Variants in MUC17 observed in about 807,000 individuals in gnomAD.
MUC17 encodes the protein mucin-17.
A neutral mutation model predicts 170.3 loss-of-function variants in MUC17; 190 were observed. That is an observed-to-expected ratio of 1.12 (90% CI 0.99 to 1.26). The LOEUF (loss-of-function observed/expected upper bound fraction) is 1.26, where lower values mean the gene tolerates loss of function less well. Ranked by LOEUF, MUC17 falls within the 50% of genes most tolerant of loss-of-function variation. MUC17 has a pLI of 0.00. For synonymous variants in MUC17, 2,325 were observed against 2,002.5 expected (o/e 1.16, Z -4.30); for missense variants, 6,415 against 5,530.0 (o/e 1.16, Z -5.08).
In MUC17 at chr7:101,032,259, T is replaced by C. The variant is rs770479658; in HGVS notation, c.843T>C (p.Pro281=). Residue 281 remains proline, a synonymous_variant, in exon 3 of 13, where the codon CCT becomes CCC. Coordinates refer to ENST00000306151, the MANE Select transcript of MUC17 (RefSeq NM_001040105.2). ...GAAGCACTCCATTAACAAGAATGCC[T>C]CTCAGCGTGATGCTGGTGGTCAGTT... ...SGGSTPLTRM[P]LSVMLVVSSE... is the part of the protein sequence containing the mutation. 2 of 1,613,952 alleles carry C rather than the reference T, an allele frequency of 1.2e-6. No homozygotes were observed. The highest frequency in any genetic ancestry group is 1.7e-6 in the Non-Finnish European group (2 of 1,179,892).
In MUC17 at chr7:101,020,090, AGCTCCTCT is replaced by A. The variant is rs1424619135; in HGVS notation, c.-44_-37del. On this transcript the variant is annotated 5_prime_UTR_variant, in exon 1 of 13. Coordinates refer to ENST00000306151, the MANE Select transcript of MUC17 (RefSeq NM_001040105.2). ...TTCCTTCTCTGAGGCTCATTTCGCC[AGCTCCTCT>A]GGGGGTGACAGGCAAGTGAGACGTG... The A allele has an allele frequency of 1.3e-6, 2 of 1,524,394 alleles. No homozygotes were observed. The highest frequency in any genetic ancestry group is 2.8e-5 in the African/African-American group (2 of 71,428). The allele number at this position is 1,524,394 out of a possible 1,614,324, so 94.4% of individuals were successfully genotyped here. A position where few individuals can be genotyped will look rare whatever the true frequency, so the allele number is the denominator to read the frequency against.
Position 101,035,513 on chromosome 7 carries a change from C to A in MUC17, c.4097C>A (p.Thr1366Lys). The A allele has an allele frequency of 6.3e-7, 1 of 1,596,520 alleles. No individual in the cohort carries two copies. The highest frequency in any genetic ancestry group is 8.6e-7 in the Non-Finnish European group (1 of 1,169,264). ...ILSTTPVDNS[T>K]PVTTSTEACS... ...TCAACAACTCCTGTTGACAACAGCA[C>A]ACCTGTGACCACTTCTACTGAAGCC... The change falls in exon 3 of 13, where the codon ACA becomes AAA. Residue 1366 changes from threonine to lysine, a missense_variant. Physicochemically the swap from Thr to Lys is moderately conservative, Grantham distance 78. Coordinates refer to ENST00000306151, the MANE Select transcript of MUC17 (RefSeq NM_001040105.2).
Position 101,053,077 on chromosome 7 carries a change from G to A in MUC17, c.13195G>A (p.Val4399Ile). 6.2e-7 allele frequency: 1 copy of A among 1,614,170 alleles called. No homozygotes were observed. The highest frequency in any genetic ancestry group is 8.5e-7 in the Non-Finnish European group (1 of 1,180,036). The change falls in exon 10 of 13, where the codon GTC becomes ATC. Residue 4399 changes from valine (V) to isoleucine (I), a missense_variant. Transcript: ENST00000306151. ...SLVYGLVGAG[V>I]VLMLIILVAL... is the part of the protein sequence containing the mutation. ...GGTGTACGGCCTCGTGGGGGCAGGG[G>A]TCGTGCTGATGCTGATCATCCTGGT...
In MUC17 at chr7:101,034,469, C is replaced by G; in HGVS notation, c.3053C>G (p.Thr1018Ser). 6.2e-7 allele frequency: 1 copy of G among 1,609,968 alleles called. No individual in the cohort carries two copies. The highest frequency in any genetic ancestry group is 1.3e-5 in the African/African-American group (1 of 74,734). Residue 1018 changes from threonine to serine, a missense_variant, in exon 3 of 13, where the codon ACT becomes AGT. Physicochemically the swap from Thr to Ser is moderately conservative, Grantham distance 58. Coordinates refer to ENST00000306151, the MANE Select transcript of MUC17 (RefSeq NM_001040105.2). ...TCCAACACTCCTTTGACCACTTCTACTGAAGCCAGTTCACCTCCTCCCACT... is the reference window on the plus strand; with the variant it reads ...TCCAACACTCCTTTGACCACTTCTAGTGAAGCCAGTTCACCTCCTCCCACT... ...VDSNTPLTTSTEASSPPPTAE... is the reference protein window; with the variant it reads ...VDSNTPLTTSSEASSPPPTAE...
chr7:101,050,187 T>A (rs1794912224), intron 6 of MUC17, among the ~76,000 whole-genome samples: 1 of 152,152 alleles, frequency 6.6e-6, no homozygotes, highest in African/African-American at 2.4e-5. Flanking sequence ...CATTCCTCCA[T>A]CCATCTTCAT....
In MUC17 at chr7:101,036,689, C is replaced by T. The variant is rs750746021; in HGVS notation, c.5273C>T (p.Thr1758Ile). The T allele has an allele frequency of 2.5e-6, 4 of 1,613,196 alleles. No homozygotes were observed. Among genetic ancestry groups the T allele is most frequent in the African/African-American group, 1.3e-5 (1 of 74,718 alleles). ...TTPLTSIPVSTTPVLSSEAST... is the reference protein window; with the variant it reads ...TTPLTSIPVSITPVLSSEAST... ...CCATTAACAAGTATACCTGTCAGCA[C>T]CACGCCGGTACTCAGTTCTGAGGCT... Residue 1758 changes from threonine (T) to isoleucine (I), a missense_variant, in exon 3 of 13, where the codon ACC becomes ATC. By Grantham distance (89) the Thr-to-Ile change is moderately conservative. Transcript: ENST00000306151.
rs751705714 is a variant in MUC17 at position 101,033,491 on chromosome 7, G to A, written c.2075G>A (p.Ser692Asn). 1.2e-6 allele frequency: 2 copies of A among 1,613,598 alleles called. No individual in the cohort carries two copies. Among genetic ancestry groups the A allele is most frequent in the Middle Eastern group, 1.7e-4 (1 of 6,058 alleles). The change falls in exon 3 of 13, where the codon AGT (serine) becomes AAT (asparagine). Residue 692 changes from serine to asparagine, a missense_variant. Physicochemically the swap from Ser to Asn is conservative, Grantham distance 46 (BLOSUM62 1). Coordinates refer to ENST00000306151, the MANE Select transcript of MUC17 (RefSeq NM_001040105.2). ...ACTGAAGGAAGCACTCCATTAACAA[G>A]TATGCCTGTCAACACCACACTGGTG... The part of the protein sequence containing the change: ...TYTEGSTPLT[S>N]MPVNTTLVAS...
chr7:101,036,339 G>A lies in MUC17; in HGVS notation c.4923G>A (p.Thr1641=), dbSNP rs199826596. ...TAACAAGTATACCTGTCAGCACCAC[G>A]CCGGTGGCCAGTCCTGAGGCTAGCA... ...PLLTSIPVST[T]PVASPEASTL... The change falls in exon 3 of 13, where the codon ACG becomes ACA. Residue 1641 remains threonine (T), a synonymous_variant. Coordinates refer to ENST00000306151, the MANE Select transcript of MUC17 (RefSeq NM_001040105.2). 59 of 1,613,192 alleles carry A rather than the reference G, an allele frequency of 3.7e-5. No individual in the cohort carries two copies. Among genetic ancestry groups the A allele is most frequent in the Non-Finnish European group, 4.6e-5 (54 of 1,179,796 alleles).
At chr7:101,047,859 G>T (rs114839475) in intron 3 of MUC17, 125 bp from the exon 4 acceptor site, 9 of 1,178,746 alleles carry the variant, frequency 7.6e-6, no homozygotes, top group Non-Finnish European at 9.1e-6. Flanking sequence ...GACAGTGTCC[G>T]TGCAAACGCA....
In MUC17 at chr7:101,032,198, A is replaced by G. The variant is rs1251056181; in HGVS notation, c.782A>G (p.Glu261Gly). ...AQASSSPTTA[E>G]GPSLSNSAPS... ...GCCAGTTCATCTCCTACAACTGCTG[A>G]AGGTCCCAGCCTGTCAAACTCAGCT... The change falls in exon 3 of 13, where the codon GAA (glutamate) becomes GGA (glycine). Residue 261 changes from glutamate (E) to glycine (G), a missense_variant. Coordinates refer to ENST00000306151, the MANE Select transcript of MUC17 (RefSeq NM_001040105.2). 1 of 1,614,186 alleles carries G rather than the reference A, an allele frequency of 6.2e-7. No homozygotes were observed. Among genetic ancestry groups the G allele is most frequent in the Non-Finnish European group, 8.5e-7 (1 of 1,180,008 alleles).
At position 101,050,594 on chromosome 7, in the gene MUC17, A is replaced by C. The variant is rs1390067427; in HGVS notation, c.12833A>C (p.Lys4278Thr). The C allele has an allele frequency of 1.9e-6, 3 of 1,614,136 alleles. No homozygotes were observed. Among genetic ancestry groups the C allele is most frequent in the East Asian group, 2.2e-5 (1 of 44,882 alleles). Residue 4278 changes from lysine to threonine, a missense_variant, in exon 7 of 13, where the codon AAA (lysine) becomes ACA (threonine). Physicochemically the swap from Lys to Thr is moderately conservative, Grantham distance 78. Transcript: ENST00000306151. ...ATEVVKEKITKVTTQQIMIND... is the reference protein window; with the variant it reads ...ATEVVKEKITTVTTQQIMIND... ...GAAGTAGTGAAAGAGAAAATCACAA[A>C]AGTGACCACACAGCAAATAATGATT...
Position 101,036,513 on chromosome 7 carries a change from A to T in MUC17, c.5097A>T (p.Thr1699=). 1 of 1,596,308 alleles carries T rather than the reference A, an allele frequency of 6.3e-7. No individual in the cohort carries two copies. The highest frequency in any genetic ancestry group is 8.5e-7 in the Non-Finnish European group (1 of 1,172,732). The stretch of plus-strand genomic sequence containing the variant: ...CTTTAACAAGTATAACTGTCAGAAC[A>T]ACACCGGTGGCCAGCTCTGCAATCA... ...RTPLTSITVR[T]TPVASSAIST... Residue 1699 remains threonine (T), a synonymous_variant, in exon 3 of 13, where the codon ACA becomes ACT. Transcript: ENST00000306151.
At chr7:101,021,192 T>C (rs947617743) in intron 1 of MUC17, among the ~76,000 whole-genome samples, 2 of 146,600 alleles carry the variant, frequency 1.4e-5, no homozygotes, top group South Asian at 2.3e-4. Flanking sequence ...TTTTTTTTTT[T>C]TTTTTTTTTT....
rs551380551 is a variant in MUC17 at position 101,058,496 on chromosome 7, G to C, written c.*452G>C. On this transcript the variant is annotated 3_prime_UTR_variant, in exon 13 of 13. Coordinates refer to ENST00000306151, the MANE Select transcript of MUC17 (RefSeq NM_001040105.2). ...GAGGAGGACCACGCTTCAGTCAAAG[G>C]CATACAAGTATCTATCTGGACTTCC... The C allele has an allele frequency of 6.5e-6, 1 of 154,002 alleles. No individual in the cohort carries two copies. Among genetic ancestry groups the C allele is most frequent in the African/African-American group, 2.4e-5 (1 of 41,604 alleles). 9.5% of individuals were successfully genotyped at this position (154,002 alleles called of 1,614,324 possible). A position where few individuals can be genotyped will look rare whatever the true frequency, so the allele number is the denominator to read the frequency against.
Position 101,031,114 on chromosome 7 carries a change from T to C in MUC17, c.83-6T>C, listed in dbSNP as rs1452313923. 1.2e-6 allele frequency: 2 copies of C among 1,608,678 alleles called. No individual in the cohort carries two copies. On this transcript the variant is annotated splice_region_variant and splice_polypyrimidine_tract_variant and intron_variant, in intron 1 of 12. Coordinates refer to ENST00000306151, the MANE Select transcript of MUC17 (RefSeq NM_001040105.2). Reference sequence around the variant, plus strand: ...TGGGATACTAACTCCCCTTTGTCTCTTTCAGACCTCAGTGTGAACAGGGCT... The same window carrying C: ...TGGGATACTAACTCCCCTTTGTCTCCTTCAGACCTCAGTGTGAACAGGGCT...
At chr7:101,049,460 GC>G (rs1402567984) in intron 6 of MUC17, 78 bp downstream of exon 6, 18 of 1,537,958 alleles carry the variant, frequency 1.2e-5, no homozygotes, top group Admixed American at 3.9e-5. Context: ...TTAGAACTGT[GC>G]CCCCTGCATT....
rs551349153 is a variant in MUC17, at chr7:101,032,345, C to T, written c.929C>T (p.Thr310Ile). Residue 310 changes from threonine to isoleucine, a missense_variant, in exon 3 of 13, where the codon ACT becomes ATT. Physicochemically the swap from Thr to Ile is moderately conservative, Grantham distance 89 (BLOSUM62 -1). Coordinates refer to ENST00000306151, the MANE Select transcript of MUC17 (RefSeq NM_001040105.2). The part of the protein sequence containing the change: ...AATNIPVITS[T>I]EASSSPTTAE... ...ACCAACATTCCTGTGATCACTTCTA[C>T]TGAAGCCAGTTCATCTCCTACAACG... is the stretch of plus-strand genomic sequence containing the variant. 3.7e-6 allele frequency: 6 copies of T among 1,613,796 alleles called. No individual in the cohort carries two copies. The highest frequency in any genetic ancestry group is 2.2e-5 in the East Asian group (1 of 44,838).
At chr7:101,031,089 T>C (rs757121937) in intron 1 of MUC17, 31 bp from the exon 2 acceptor site, 1 of 1,591,294 alleles carries the variant, frequency 6.3e-7, no homozygotes, top group South Asian at 1.2e-5. Flanking sequence ...ATCATGGCTC[T>C]GGGATACTAA....
In MUC17 at chr7:101,042,672, C is replaced by T. The variant is rs755767526; in HGVS notation, c.11256C>T (p.Ser3752=). The change falls in exon 3 of 13, where the codon AGC becomes AGT. Residue 3752 remains serine, a synonymous_variant. Coordinates refer to ENST00000306151, the MANE Select transcript of MUC17 (RefSeq NM_001040105.2). ...TMSVSMPMEI[S]TLGTTILVST... ...CTGTGTCAATGCCCATGGAAATAAGCACCCTTGGGACCACTATTCTTGTCA... is the reference window on the plus strand; with the variant it reads ...CTGTGTCAATGCCCATGGAAATAAGTACCCTTGGGACCACTATTCTTGTCA... The T allele has an allele frequency of 6.2e-7, 1 of 1,613,922 alleles. No individual in the cohort carries two copies. Among genetic ancestry groups the T allele is most frequent in the East Asian group, 2.2e-5 (1 of 44,884 alleles).
Sources: gnomAD v4.1 joint callset for allele counts (sites outside exome capture counted in the v4.1 genomes callset) on GRCh38, gnomAD v4.1.1 for gene constraint, MANE v1.5 for transcripts, NCBI Gene and HGNC (gene_info 2026-07-23, HGNC 2026-07-21) for gene names.